NCALD: variants seen among roughly 807,000 people sequenced by gnomAD.
NCALD encodes neurocalcin delta.
In NCALD, 10 loss-of-function variants were observed where a neutral mutation model predicts 18.6. The observed-to-expected ratio is 0.54, with a 90% CI of 0.33 to 0.91. The LOEUF (loss-of-function observed/expected upper bound fraction) is 0.91, where lower values mean the gene tolerates loss of function less well. Ranked by LOEUF, NCALD falls within the 40% of genes least tolerant of loss-of-function variation. The probability of loss-of-function intolerance (pLI) is 0.03; values close to 1 mark genes in which losing one functional copy is unlikely to be tolerated. For synonymous variants in NCALD, 88 were observed against 87.4 expected, an observed-to-expected ratio of 1.01 and a Z score of -0.04; for missense variants, 184 against 247.6, an observed-to-expected ratio of 0.74 and a Z score of 1.72.
intron 1 of NCALD, among the ~76,000 whole-genome samples, chr8:102,078,588 G>A (rs1282616272): frequency 3.9e-5 from 6 of 152,188 alleles, no homozygotes; most frequent in Non-Finnish European, 8.8e-5. Context: ...CAGCCACTGT[G>A]ACTTCTTGCT....
chr8:101,879,336 ACTGACTTCAG>A (rs1816373467), intron 4 of NCALD, among the ~76,000 whole-genome samples: 1 of 152,068 alleles, frequency 6.6e-6, no homozygotes. Flanking sequence ...TCGTGGTCTC[ACTGACTTCAG>A]CAGTGAAGCT....
At chr8:101,728,259 A>G (rs1816661019) in intron 1 of NCALD, among the ~76,000 whole-genome samples, 2 of 152,184 alleles carry the variant, frequency 1.3e-5, no homozygotes, top group Non-Finnish European at 1.5e-5. Flanking sequence ...CGTGGAGGGA[A>G]AGATTTGCAG....
intron 1 of NCALD, among the ~76,000 whole-genome samples, chr8:101,769,526 G>T (rs1811495721): frequency 6.6e-6 from 1 of 152,060 alleles, no homozygotes; most frequent in South Asian, 2.1e-4. Flanking sequence ...CATCCTCGAA[G>T]TGGCTCACAT....
intron 2 of NCALD, among the ~76,000 whole-genome samples, chr8:101,918,683 A>G (rs974084600): frequency 2.6e-5 from 4 of 151,932 alleles, no homozygotes; most frequent in Non-Finnish European, 5.9e-5. Context: ...ACATTTCTAT[A>G]CACTAACAAT....
intron 1 of NCALD, among the ~76,000 whole-genome samples, chr8:102,041,273 C>T (rs796729073): frequency 7.2e-5 from 11 of 152,290 alleles, no homozygotes; most frequent in African/African-American, 2.6e-4. Context: ...TCCTCAACAA[C>T]AACAAATCAT....
At chr8:101,747,324 G>C (rs2130745006) in intron 1 of NCALD, among the ~76,000 whole-genome samples, 1 of 152,294 alleles carries the variant, frequency 6.6e-6, no homozygotes, top group East Asian at 1.9e-4. Context: ...AGAAGCCTTT[G>C]GGGAAAGAGT....
chr8:102,020,070 G>A (rs139301656), intron 2 of NCALD, among the ~76,000 whole-genome samples: 1 of 151,820 alleles, frequency 6.6e-6, no homozygotes, highest in African/African-American at 2.4e-5. Flanking sequence ...GAACATTTTT[G>A]TGCATGTCAA....
intron 4 of NCALD, among the ~76,000 whole-genome samples, chr8:101,800,298 C>T (rs1812791323): frequency 6.6e-6 from 1 of 152,070 alleles, no homozygotes; most frequent in South Asian, 2.1e-4. Context: ...AGGACTCTTG[C>T]ATTCTTGTAT....
intron 4 of NCALD, among the ~76,000 whole-genome samples, chr8:101,884,411 C>G (rs978826891): frequency 6.6e-6 from 1 of 152,174 alleles, no homozygotes; most frequent in Non-Finnish European, 1.5e-5. Flanking sequence ...TAACACAGTG[C>G]CTGTCACATA....
intron 1 of NCALD, among the ~76,000 whole-genome samples, chr8:102,113,381 T>G (rs1392383331): frequency 6.6e-6 from 1 of 152,206 alleles, no homozygotes. Context: ...AGGTACCTAG[T>G]GTAAAGCAGG....
At chr8:101,712,846 C>T (rs1815875130) in intron 2 of NCALD, among the ~76,000 whole-genome samples, 1 of 152,102 alleles carries the variant, frequency 6.6e-6, no homozygotes, top group Non-Finnish European at 1.5e-5. Context: ...TTTAACACTC[C>T]ACTGCCAATA....
At chr8:101,977,148 CCT>C (rs1321127728) in intron 2 of NCALD, among the ~76,000 whole-genome samples, 2 of 150,944 alleles carry the variant, frequency 1.3e-5, no homozygotes, top group African/African-American at 4.9e-5. Flanking sequence ...CTTTTCATTA[CCT>C]CTCTCTCAGC....
At chr8:101,754,429 G>A (rs956312736) in intron 1 of NCALD, among the ~76,000 whole-genome samples, 1 of 152,112 alleles carries the variant, frequency 6.6e-6, no homozygotes, top group Non-Finnish European at 1.5e-5. Context: ...TGGAGACTGG[G>A]AAGTCCAAGA....
At chr8:101,835,146 C>T (rs759792123) in intron 4 of NCALD, among the ~76,000 whole-genome samples, 1 of 151,802 alleles carries the variant, frequency 6.6e-6, no homozygotes, top group Non-Finnish European at 1.5e-5. Context: ...AAGCAGTGTG[C>T]TTGGTTAGGT....
intron 2 of NCALD, chr8:101,693,449 A>C (rs1219157711): frequency 6.7e-6 from 1 of 148,850 alleles, no homozygotes; most frequent in African/African-American, 2.5e-5. Flanking sequence ...GGGATTACAG[A>C]CATGCGCCAC....
chr8:101,710,593 C>T (rs1325578525), intron 2 of NCALD, among the ~76,000 whole-genome samples: 1 of 152,196 alleles, frequency 6.6e-6, no homozygotes, highest in Non-Finnish European at 1.5e-5. Context: ...GGGCGTCTGC[C>T]ATTACTGAGG....
rs141118828 is a variant in NCALD, at chr8:101,704,639, G to A, written c.379-11743C>T. Among the ~76,000 whole-genome samples the A allele has an allele frequency of 2.0e-4, 31 of 152,284 alleles. No individual in the cohort carries two copies. In the East Asian group the frequency reaches 5.0e-3, roughly 25 times the overall value. On this transcript the variant is annotated intron_variant, in intron 2 of 3. Coordinates refer to ENST00000220931, the MANE Select transcript of NCALD (RefSeq NM_032041.3). ...ACATCATTTAAAGTGAATGGGGGCCGGGCGCGGTGGTTCATGCCTGTAATC... is the reference window on the plus strand; with the variant it reads ...ACATCATTTAAAGTGAATGGGGGCCAGGCGCGGTGGTTCATGCCTGTAATC...
At chr8:101,996,685 G>C (rs960118282) in intron 2 of NCALD, among the ~76,000 whole-genome samples, 1 of 152,182 alleles carries the variant, frequency 6.6e-6, no homozygotes, top group African/African-American at 2.4e-5. Context: ...GAAACTAACG[G>C]TGGAAAAGGA....
At chr8:101,918,405 C>G (rs927366438) in intron 2 of NCALD, among the ~76,000 whole-genome samples, 1 of 152,016 alleles carries the variant, frequency 6.6e-6, no homozygotes, top group African/African-American at 2.4e-5. Context: ...AAAGCCTTAC[C>G]CTTGAGAACT....
Sources: allele counts gnomAD v4.1 joint callset (sites outside exome capture counted in the v4.1 genomes callset), GRCh38; gene constraint gnomAD v4.1.1; transcripts MANE v1.5; gene names NCBI Gene and HGNC (gene_info 2026-07-23, HGNC 2026-07-21).